COL16A1: variants seen among roughly 807,000 people sequenced by gnomAD.
The protein encoded by COL16A1 is collagen alpha-1(XVI) chain.
In COL16A1, 189 loss-of-function variants were observed where a neutral mutation model predicts 266.3. That is an observed-to-expected ratio of 0.71 (90% CI 0.63 to 0.80). COL16A1 has a LOEUF of 0.80. COL16A1 is among the 30% of genes least tolerant of loss of function. The pLI is 0.00. For synonymous variants in COL16A1, 740 were observed against 782.3 expected (o/e 0.95, Z 0.90); for missense variants, 1,928 against 2,122.4 (o/e 0.91, Z 1.80).
At position 31,696,952 on chromosome 1, in the gene COL16A1, T is replaced by C; in HGVS notation, c.864+11A>G. On this transcript the variant is annotated intron_variant, in intron 8 of 70. Coordinates refer to ENST00000373672, the MANE Select transcript of COL16A1 (RefSeq NM_001856.4). ...TGCCTGTGCTGGCATCCACCTGTCC[T>C]GCCCACCCACCTCGCTGTTTTGAGG... is the stretch of plus-strand genomic sequence containing the variant. 1 of 1,613,558 alleles carries C rather than the reference T, an allele frequency of 6.2e-7. No homozygotes were observed. The highest frequency in any genetic ancestry group is 8.5e-7 in the Non-Finnish European group (1 of 1,179,946).
rs576139608 is a variant in COL16A1, at chr1:31,684,480, T to A, written c.2160+43A>T. On this transcript the variant is annotated intron_variant, in intron 31 of 70. Transcript: ENST00000373672. ...CACTGGTGCGACACCTGATTTTTTT[T>A]ATGCAACAAACTCCCCGACCCCAAC... 441 of 1,587,422 alleles carry A rather than the reference T, an allele frequency of 2.8e-4. 7 individuals are homozygous for A. The South Asian group carries it at 4.0e-3, about 14-fold the overall frequency.
At position 31,692,758 on chromosome 1, in the gene COL16A1, A is replaced by C; in HGVS notation, c.1113+9T>G. On this transcript the variant is annotated intron_variant, in intron 14 of 70. Coordinates refer to ENST00000373672, the MANE Select transcript of COL16A1 (RefSeq NM_001856.4). ...TGGCCCTGAAGCAGGCATCACCTCCAAGTCTTACCTGAAGTGGGGCATCCG... is the reference window on the plus strand; with the variant it reads ...TGGCCCTGAAGCAGGCATCACCTCCCAGTCTTACCTGAAGTGGGGCATCCG... The C allele has an allele frequency of 6.2e-7, 1 of 1,613,694 alleles. No homozygotes were observed. Among genetic ancestry groups the C allele is most frequent in the South Asian group, 1.1e-5 (1 of 91,070 alleles).
At chr1:31,699,513 C>T (rs942861882) in intron 4 of COL16A1, among the ~76,000 whole-genome samples, 3 of 152,196 alleles carry the variant, frequency 2.0e-5, no homozygotes, top group East Asian at 3.9e-4. Flanking sequence ...CATGCACACA[C>T]GCACATGACT....
intron 33 of COL16A1, 96 bp downstream of exon 33, chr1:31,683,854 C>T: frequency 6.2e-7 from 1 of 1,605,846 alleles, no homozygotes; most frequent in Non-Finnish European, 8.5e-7. Context: ...CACCCTGCCT[C>T]CATTTCCCAC....
At chr1:31,695,972 A>G in intron 9 of COL16A1, 116 bp downstream of exon 9, 6 of 1,072,174 alleles carry the variant, frequency 5.6e-6, no homozygotes, top group Non-Finnish European at 2.8e-6. Context: ...AGCTCTGTCC[A>G]GGAGGTGGGA....
Position 31,692,582 on chromosome 1 carries a change from C to G in COL16A1, c.1158+16G>C. The G allele has an allele frequency of 1.9e-6, 3 of 1,614,150 alleles. No homozygotes were observed. The highest frequency in any genetic ancestry group is 2.5e-6 in the Non-Finnish European group (3 of 1,180,002). Reference sequence around the variant, plus strand: ...TGGACCCACCATCCCTGCCCTATCCCTGGTCCCACACTCACCAGAGCTCCT... The same window carrying G: ...TGGACCCACCATCCCTGCCCTATCCGTGGTCCCACACTCACCAGAGCTCCT... On this transcript the variant is annotated intron_variant, in intron 15 of 70. Transcript: ENST00000373672.
Position 31,653,921 on chromosome 1 carries a change from C to T in COL16A1, c.4480G>A (p.Gly1494Arg). The part of the protein sequence containing the change: ...PGRPGAPGSP[G>R]LPGQIGREGR... ...TCTCTGCCAATCTGACCAGGGAGCC[C>T]AGGTGACCCTGGAGCACCTGGCCTG... Residue 1494 changes from glycine to arginine, a missense_variant, in exon 69 of 71, where the codon GGG (glycine) becomes AGG (arginine). Gly to Arg is a moderately radical substitution (Grantham distance 125). Transcript: ENST00000373672. The T allele has an allele frequency of 1.9e-6, 3 of 1,614,134 alleles. No individual in the cohort carries two copies. The highest frequency in any genetic ancestry group is 2.5e-6 in the Non-Finnish European group (3 of 1,179,982).
At position 31,655,514 on chromosome 1, in the gene COL16A1, G is replaced by A. The variant is rs377253155; in HGVS notation, c.4102-12C>T. ...GCTCCTGGATCACCCTACAAAGATA[G>A]ATACTTAGTGCTGTCAAATTTACAT... On this transcript the variant is annotated splice_polypyrimidine_tract_variant and intron_variant, in intron 66 of 70. Coordinates refer to ENST00000373672, the MANE Select transcript of COL16A1 (RefSeq NM_001856.4). The A allele has an allele frequency of 3.1e-6, 5 of 1,613,252 alleles. No homozygotes were observed. The highest frequency in any genetic ancestry group is 4.2e-6 in the Non-Finnish European group (5 of 1,179,502).
Position 31,658,907 on chromosome 1 carries a change from T to C in COL16A1, c.3930+7A>G. ...GGAGGGAGGAAGGAGTGGAGCATGT[T>C]ACTCACCACTGCAGAGATCCCAGCT... On this transcript the variant is annotated splice_region_variant and intron_variant, in intron 63 of 70. Coordinates refer to ENST00000373672, the MANE Select transcript of COL16A1 (RefSeq NM_001856.4). The C allele has an allele frequency of 1.9e-6, 3 of 1,552,960 alleles. No individual in the cohort carries two copies. The highest frequency in any genetic ancestry group is 2.6e-6 in the Non-Finnish European group (3 of 1,147,710).
rs201564822 is a variant in COL16A1, at chr1:31,697,206, G to A, written c.738+14C>T. On this transcript the variant is annotated intron_variant, in intron 7 of 70. Transcript: ENST00000373672. This position sits in a 1 kb window ranked among gnomAD's most constrained non-coding sequence, Gnocchi z 4.2. ...CAGTGTGTCCCTGGGCAGCCCAAGG[G>A]CCGGGCCACTCACCCCTGCTGGTAA... 3.9e-5 allele frequency: 63 copies of A among 1,613,218 alleles called. No homozygotes were observed. The highest frequency in any genetic ancestry group is 1.9e-5 in the Non-Finnish European group (23 of 1,179,744).
chr1:31,670,799 T>A lies in COL16A1; in HGVS notation c.3151-153A>T, dbSNP rs1642608418. Among the ~76,000 whole-genome samples, 2 of 152,172 alleles carry A rather than the reference T, an allele frequency of 1.3e-5. No homozygotes were observed. Among genetic ancestry groups the A allele is most frequent in the South Asian group, 4.1e-4 (2 of 4,828 alleles). On this transcript the variant is annotated intron_variant, in intron 48 of 70. Coordinates refer to ENST00000373672, the MANE Select transcript of COL16A1 (RefSeq NM_001856.4). The surrounding 1 kb of genome is among the most constrained non-coding windows in gnomAD (Gnocchi z 4.5). ...AAAGAGACTCCTTGAAAGTCTTGGC[T>A]CAAAAGACAACTGTTCCTCCCCTTG...
In COL16A1 at chr1:31,692,823, C is replaced by A; in HGVS notation, c.1072-15G>T. ...CAGTCATTGCCCTGGGAGTAGGGAA[C>A]AAGGGATCAGGGGTGGGAACTCCTG... On this transcript the variant is annotated splice_polypyrimidine_tract_variant and intron_variant, in intron 13 of 70. Transcript: ENST00000373672. The A allele has an allele frequency of 1.2e-6, 2 of 1,613,282 alleles. No individual in the cohort carries two copies. The highest frequency in any genetic ancestry group is 1.7e-6 in the Non-Finnish European group (2 of 1,179,232).
At chr1:31,655,791 C>G in intron 66 of COL16A1, 1 of 433,706 alleles carries the variant, frequency 2.3e-6, no homozygotes, top group East Asian at 4.4e-5. Context: ...CCTGATCGTT[C>G]CTTCCTCAGC....
rs1311653564 is a variant in COL16A1, at chr1:31,679,809, G to A, written c.2713C>T (p.Pro905Ser). The change falls in exon 41 of 71, where the codon CCG (proline) becomes TCG (serine). Residue 905 changes from proline to serine, a missense_variant. This residue lies in a region of COL16A1 where 1,552 missense variants were observed against 1,637.2 expected (regional missense o/e 0.95). Transcript: ENST00000373672. ...LWMGSSWQPG[P>S]QGPPGIPGPP... ...AGAGGAGACAAGCGACACACCTGCG[G>A]GCCCGGCTGCCAGGAGCTGCCCATC... 1.3e-6 allele frequency: 2 copies of A among 1,558,234 alleles called. No homozygotes were observed. Among genetic ancestry groups the A allele is most frequent in the Non-Finnish European group, 1.7e-6 (2 of 1,154,256 alleles).
intron 37 of COL16A1, among the ~76,000 whole-genome samples, chr1:31,682,331 T>C (rs1011624092): frequency 6.6e-6 from 1 of 152,250 alleles, no homozygotes; most frequent in African/African-American, 2.4e-5. Context: ...AAGTAGTTGC[T>C]GGTCTGGATC....
chr1:31,670,531 G>C lies in COL16A1; in HGVS notation c.3195+71C>G. ...GACGGAGGTGAAGGCACGACAGGAG[G>C]GAGACAAGCAAAAGCCACAGAGACC... is the stretch of plus-strand genomic sequence containing the variant. On this transcript the variant is annotated intron_variant, in intron 49 of 70. Coordinates refer to ENST00000373672, the MANE Select transcript of COL16A1 (RefSeq NM_001856.4). This position sits in a 1 kb window ranked among gnomAD's most constrained non-coding sequence, Gnocchi z 4.5. 1 of 1,321,626 alleles carries C rather than the reference G, an allele frequency of 7.6e-7. No homozygotes were observed. Among genetic ancestry groups the C allele is most frequent in the East Asian group, 3.1e-5 (1 of 32,030 alleles). 81.9% of individuals were successfully genotyped at this position (1,321,626 alleles called of 1,614,324 possible).
At chr1:31,655,786 T>A in intron 66 of COL16A1, 1 of 465,550 alleles carries the variant, frequency 2.1e-6, no homozygotes, top group South Asian at 2.9e-5. Context: ...GTGGTCCTGA[T>A]CGTTCCTTCC....
Position 31,657,358 on chromosome 1 carries a change from A to G in COL16A1, c.4021-290T>C, listed in dbSNP as rs993696718. The stretch of plus-strand genomic sequence containing the variant: ...GTGTGCTTGGATCCTGGCACCTTGC[A>G]CACTCCCTGGCTCTGAATCTATGTT... On this transcript the variant is annotated intron_variant, in intron 64 of 70. Transcript: ENST00000373672. The surrounding 1 kb of genome is among the most constrained non-coding windows in gnomAD (Gnocchi z 6.4). 7.9e-6 allele frequency: 4 copies of G among 505,404 alleles called. No homozygotes were observed. The highest frequency in any genetic ancestry group is 7.6e-5 in the African/African-American group (4 of 52,442). The allele number at this position is 505,404 out of a possible 1,614,324, so 31.3% of individuals were successfully genotyped here.
chr1:31,653,320 T>C (rs1412872591), intron 70 of COL16A1: 12 of 377,616 alleles, frequency 3.2e-5, no homozygotes, highest in Middle Eastern at 7.3e-4. Flanking sequence ...AGGTGCTGAG[T>C]AGAACTTGAA....
Sources: gnomAD v4.1 joint callset for allele counts (sites outside exome capture counted in the v4.1 genomes callset) on GRCh38, gnomAD v4.1.1 for gene constraint, gnomAD v4.1.1 regional missense constraint, Gnocchi (gnomAD v3.1) non-coding constraint, MANE v1.5 for transcripts, NCBI Gene and HGNC (gene_info 2026-07-23, HGNC 2026-07-21) for gene names.